Variants in IGSF9B observed in about 807,000 individuals in gnomAD.
IGSF9B encodes immunoglobulin superfamily member 9B.
A neutral mutation model predicts 143.7 loss-of-function variants in IGSF9B; 48 were observed. That is an observed-to-expected ratio of 0.33 (90% CI 0.26 to 0.42). The LOEUF (loss-of-function observed/expected upper bound fraction) is 0.42, where lower values mean the gene tolerates loss of function less well. IGSF9B is among the 20% of genes least tolerant of loss of function. IGSF9B has a pLI of 1.00. For missense variants in IGSF9B, 1,706 were observed against 1,980.0 expected, an observed-to-expected ratio of 0.86 and a Z score of 2.63; for synonymous variants, 903 against 833.1, an observed-to-expected ratio of 1.08 and a Z score of -1.44.
rs539597363 is a variant in IGSF9B, at chr11:133,937,403, C to T, written c.652G>A (p.Val218Ile). ...CRAYSIQGEAVHTTHLLVQGP... is the reference protein window; with the variant it reads ...CRAYSIQGEAIHTTHLLVQGP... ...TGGACAAGCAGGTGAGTCGTGTGGA[C>T]AGCCTCCCCCTGAATGCTGTACGCT... The change falls in exon 5 of 20, where the codon GTC becomes ATC. Residue 218 changes from valine (V) to isoleucine (I), a missense_variant. By Grantham distance (29) the Val-to-Ile change is conservative. Coordinates refer to ENST00000533871, the MANE Select transcript of IGSF9B (RefSeq NM_001277285.4). 1 of 1,612,876 alleles carries T rather than the reference C, an allele frequency of 6.2e-7. No homozygotes were observed. Among genetic ancestry groups the T allele is most frequent in the South Asian group, 1.1e-5 (1 of 90,980 alleles).
In IGSF9B at chr11:133,920,720, G is replaced by C; in HGVS notation, c.3005C>G (p.Pro1002Arg). The C allele has an allele frequency of 6.2e-7, 1 of 1,612,936 alleles. No homozygotes were observed. Among genetic ancestry groups the C allele is most frequent in the Non-Finnish European group, 8.5e-7 (1 of 1,179,368 alleles). The change falls in exon 18 of 20, where the codon CCC becomes CGC. Residue 1002 changes from proline (P) to arginine (R), a missense_variant. Pro to Arg is a moderately radical substitution (Grantham distance 103, BLOSUM62 -2). Transcript: ENST00000533871. ...GGGGTGGCCAAAGGGCCCCTCGGTG[G>C]GCAGGGGCGGGGACGACATGACGGA... ...LSSVMSSPPL[P>R]TEGPFGHPTI...
At position 133,925,844 on chromosome 11, in the gene IGSF9B, G is replaced by A. The variant is rs372551583; in HGVS notation, c.1929C>T (p.Pro643=). The change falls in exon 14 of 20, where the codon CCC becomes CCT. Residue 643 remains proline (P), a synonymous_variant. Coordinates refer to ENST00000533871, the MANE Select transcript of IGSF9B (RefSeq NM_001277285.4). The stretch of plus-strand genomic sequence containing the variant: ...GGAACTCCATGATGTAGCGGTCGAT[G>A]GGAAAGCTGTGGTTGGCAGGCGGAA... ...SWLPPANHSF[P]IDRYIMEFRV... 4 of 1,613,850 alleles carry A rather than the reference G, an allele frequency of 2.5e-6. No homozygotes were observed. The highest frequency in any genetic ancestry group is 2.2e-5 in the East Asian group (1 of 44,868).
chr11:133,931,369 T>A lies in IGSF9B; in HGVS notation c.1368+84A>T. 9.8e-7 allele frequency: 1 copy of A among 1,021,028 alleles called. No homozygotes were observed. Among genetic ancestry groups the A allele is most frequent in the Non-Finnish European group, 1.5e-6 (1 of 679,536 alleles). 63.2% of individuals were successfully genotyped at this position (1,021,028 alleles called of 1,614,324 possible). On this transcript the variant is annotated intron_variant, in intron 10 of 19. Transcript: ENST00000533871. This position sits in a 1 kb window ranked among gnomAD's most constrained non-coding sequence, Gnocchi z 7.7. ...ACCTCCCCTCAGCCCCGGGGCTCGC[T>A]GGGCCCTCAAACCTCCCCGCAGCCC...
In IGSF9B at chr11:133,948,436, C is replaced by T. The variant is rs576597960; in HGVS notation, c.65-2178G>A. 6.6e-6 allele frequency among the ~76,000 whole-genome samples: 1 copy of T among 152,248 alleles called. No individual in the cohort carries two copies. Among genetic ancestry groups the T allele is most frequent in the East Asian group, 1.9e-4 (1 of 5,166 alleles). ...CCCCCACCCCCAACCTTGCTTCAGGCTAAGTTTGCAACCCAGCCCCTCAGG... is the reference window on the plus strand; with the variant it reads ...CCCCCACCCCCAACCTTGCTTCAGGTTAAGTTTGCAACCCAGCCCCTCAGG... On this transcript the variant is annotated intron_variant, in intron 1 of 19. Transcript: ENST00000533871. The surrounding 1 kb of genome is among the most constrained non-coding windows in gnomAD (Gnocchi z 4.7).
At chr11:133,939,942 AACAC>A (rs1343603595) in intron 3 of IGSF9B, among the ~76,000 whole-genome samples, 32 of 145,080 alleles carry the variant, frequency 2.2e-4, no homozygotes, top group African/African-American at 8.3e-4. Context: ...CACATGCAAA[AACAC>A]ACACCTCGCA....
At chr11:133,951,802 A>G (rs533323364) in intron 1 of IGSF9B, 3 of 184,010 alleles carry the variant, frequency 1.6e-5, no homozygotes, top group East Asian at 1.6e-4. Flanking sequence ...CTCGGCCCCC[A>G]GGAGGCTGGG....
intron 16 of IGSF9B, 65 bp downstream of exon 16, chr11:133,922,504 C>T (rs1939559477): frequency 6.6e-7 from 1 of 1,520,352 alleles, no homozygotes; most frequent in Non-Finnish European, 9.0e-7. Context: ...AAATGGTCCA[C>T]CTCTCTTGAT....
At position 133,913,056 on chromosome 11, in the gene IGSF9B, A is replaced by G. The variant is rs1289303912; in HGVS notation, c.3984-1049T>C. 6.6e-6 allele frequency among the ~76,000 whole-genome samples: 1 copy of G among 152,082 alleles called. No homozygotes were observed. Among genetic ancestry groups the G allele is most frequent in the Non-Finnish European group, 1.5e-5 (1 of 68,006 alleles). Reference sequence around the variant, plus strand: ...TGCCATTTCTTCTCAAAGTAACCCAACTCGGAGCCTGAGGAATGAAGGGGA... The same window carrying G: ...TGCCATTTCTTCTCAAAGTAACCCAGCTCGGAGCCTGAGGAATGAAGGGGA... On this transcript the variant is annotated intron_variant, in intron 18 of 19. Coordinates refer to ENST00000533871, the MANE Select transcript of IGSF9B (RefSeq NM_001277285.4). This position sits in a 1 kb window ranked among gnomAD's most constrained non-coding sequence, Gnocchi z 4.6.
chr11:133,931,992 G>A lies in IGSF9B; in HGVS notation c.1110+79C>T, dbSNP rs1939739997. On this transcript the variant is annotated intron_variant, in intron 8 of 19. Coordinates refer to ENST00000533871, the MANE Select transcript of IGSF9B (RefSeq NM_001277285.4). The surrounding 1 kb of genome is among the most constrained non-coding windows in gnomAD (Gnocchi z 7.7). ...TTGGAAGGGGCCAGGAGTCCTGGCA[G>A]AAATCCAGAGCCCAGAGGTGGCATC... The A allele has an allele frequency of 1.9e-6, 3 of 1,539,390 alleles. No individual in the cohort carries two copies. Among genetic ancestry groups the A allele is most frequent in the African/African-American group, 2.8e-5 (2 of 72,672 alleles).
rs1468741985 is a variant in IGSF9B at position 133,931,026 on chromosome 11, C to T, written c.1477G>A (p.Val493Met). ...GTGCTGGCAGTGATGCTCGTGACCA[C>T]GTTGGTGGCGACACATTCCCACTCC... ...HGEWECVATN[V>M]VTSITASTHL... Residue 493 changes from valine to methionine, a missense_variant, in exon 11 of 20, where the codon GTG becomes ATG. Val to Met is a conservative substitution (Grantham distance 21). Around this residue, in one of 7 missense-constraint regions of IGSF9B, gnomAD observed 267 missense variants for 321.1 expected, o/e 0.83. Transcript: ENST00000533871. The surrounding 1 kb of genome is among the most constrained non-coding windows in gnomAD (Gnocchi z 7.7). The T allele has an allele frequency of 8.1e-6, 13 of 1,613,490 alleles. No homozygotes were observed. Among genetic ancestry groups the T allele is most frequent in the African/African-American group, 1.3e-5 (1 of 74,928 alleles).
chr11:133,935,428 G>A (rs1939804493), intron 7 of IGSF9B, among the ~76,000 whole-genome samples, 189 bp downstream of exon 7: 1 of 152,206 alleles, frequency 6.6e-6, no homozygotes, highest in Non-Finnish European at 1.5e-5. Flanking sequence ...CGAAGTAGGA[G>A]CTGCTCCACC....
chr11:133,956,948 C>G lies in IGSF9B; in HGVS notation c.-194G>C. On this transcript the variant is annotated 5_prime_UTR_variant, in exon 1 of 20. Transcript: ENST00000533871. ...GGCTCGGCGCGCGCCTCCCCGGCCC[C>G]GGCGCAGCGGCACCTGCACTACTCG... 1 of 379,160 alleles carries G rather than the reference C, an allele frequency of 2.6e-6. No homozygotes were observed. Among genetic ancestry groups the G allele is most frequent in the Non-Finnish European group, 4.7e-6 (1 of 212,068 alleles). 23.5% of individuals were successfully genotyped at this position (379,160 alleles called of 1,614,324 possible).
At position 133,900,010 on chromosome 11, in the gene IGSF9B, G is replaced by A. The variant is rs1167527000; in HGVS notation, c.*9059C>T. On this transcript the variant is annotated 3_prime_UTR_variant, in exon 20 of 20. Coordinates refer to ENST00000533871, the MANE Select transcript of IGSF9B (RefSeq NM_001277285.4). ...CCTCGGAAAGTGGGGAGTGTTCTCA[G>A]CAGTTAATTTGAGGACCCAAGGACA... 2 of 152,176 alleles carry A rather than the reference G, an allele frequency of 1.3e-5. No individual in the cohort carries two copies. Among genetic ancestry groups the A allele is most frequent in the African/African-American group, 4.8e-5 (2 of 41,368 alleles). 9.4% of individuals were successfully genotyped at this position (152,176 alleles called of 1,614,324 possible).
At chr11:133,934,226 G>A (rs968310802) in intron 7 of IGSF9B, among the ~76,000 whole-genome samples, 3 of 152,180 alleles carry the variant, frequency 2.0e-5, no homozygotes, top group East Asian at 1.9e-4. Context: ...CTATGGCTTC[G>A]AGGAGGGGCC....
chr11:133,935,255 T>C (rs1939801921), intron 7 of IGSF9B, among the ~76,000 whole-genome samples: 1 of 152,140 alleles, frequency 6.6e-6, no homozygotes, highest in Admixed American at 6.5e-5. Flanking sequence ...ATAAGACACC[T>C]GAGAAAAGAG....
At chr11:133,935,127 C>T (rs759051171) in intron 7 of IGSF9B, among the ~76,000 whole-genome samples, 1 of 152,116 alleles carries the variant, frequency 6.6e-6, no homozygotes, top group African/African-American at 2.4e-5. Flanking sequence ...AGGCCGCGGA[C>T]GCCAGAGGGA....
chr11:133,922,379 C>T (rs192659402), intron 16 of IGSF9B, among the ~76,000 whole-genome samples, 157 bp from the exon 17 acceptor site: 1 of 152,286 alleles, frequency 6.6e-6, no homozygotes, highest in Admixed American at 6.5e-5. Context: ...TAGCTTGGGC[C>T]CCAGCAGCCT....
rs1417695118 is a variant in IGSF9B at position 133,945,323 on chromosome 11, C to T, written c.262+738G>A. ...AGAGCATGAGACATGGGCACAGGAG[C>T]GAAAGAGGGACAGAGACGGAAGCAT... On this transcript the variant is annotated intron_variant, in intron 2 of 19. Transcript: ENST00000533871. This position sits in a 1 kb window ranked among gnomAD's most constrained non-coding sequence, Gnocchi z 4.6. Among the ~76,000 whole-genome samples the T allele has an allele frequency of 6.6e-6, 1 of 152,162 alleles. No homozygotes were observed. Among genetic ancestry groups the T allele is most frequent in the Non-Finnish European group, 1.5e-5 (1 of 68,022 alleles).
intron 1 of IGSF9B, among the ~76,000 whole-genome samples, chr11:133,949,237 T>C (rs904182245): frequency 6.6e-6 from 1 of 152,186 alleles, no homozygotes; most frequent in African/African-American, 2.4e-5. Context: ...GGCGCCCATG[T>C]CCTGGCCTCC....
Sources: allele counts gnomAD v4.1 joint callset (sites outside exome capture counted in the v4.1 genomes callset), GRCh38; gene constraint gnomAD v4.1.1; regional missense constraint gnomAD v4.1.1; non-coding constraint Gnocchi (gnomAD v3.1); transcripts MANE v1.5; gene names NCBI Gene and HGNC (gene_info 2026-07-23, HGNC 2026-07-21).